Variants in GRIN2A observed in about 807,000 individuals in gnomAD.
The protein encoded by GRIN2A is glutamate receptor ionotropic, NMDA 2A.
Under a neutral mutation model 113.4 loss-of-function variants are expected in GRIN2A, and 22 were observed. That is an observed-to-expected ratio of 0.19 (90% CI 0.14 to 0.28). The LOEUF is 0.28. Ranked by LOEUF, GRIN2A falls within the 10% of genes least tolerant of loss-of-function variation. The pLI, the probability that GRIN2A is intolerant of heterozygous loss-of-function variation, is 1.00. For missense variants in GRIN2A, 1,502 were observed against 1,887.0 expected (o/e 0.80, Z 3.78); for synonymous variants, 827 against 738.4 (o/e 1.12, Z -1.94).
intron 4 of GRIN2A, among the ~76,000 whole-genome samples, chr16:9,877,591 G>A (rs891237335): frequency 1.3e-4 from 19 of 149,998 alleles, no homozygotes; most frequent in African/African-American, 2.2e-4. Flanking sequence ...TCTCTCTCTC[G>A]TCTCCTCTTC....
At chr16:10,026,075 G>A (rs1211675066) in intron 2 of GRIN2A, among the ~76,000 whole-genome samples, 2 of 152,110 alleles carry the variant, frequency 1.3e-5, no homozygotes, top group African/African-American at 2.4e-5. Context: ...TAGAATCTCT[G>A]TATGCTCACT....
At chr16:9,778,577 A>C (rs1474895904) in intron 11 of GRIN2A, among the ~76,000 whole-genome samples, 1 of 152,244 alleles carries the variant, frequency 6.6e-6, no homozygotes, top group African/African-American at 2.4e-5. Context: ...TGCTGTTTTG[A>C]GAGCCACTGG....
chr16:9,812,346 T>C (rs1279175491), intron 10 of GRIN2A, among the ~76,000 whole-genome samples: 2 of 152,182 alleles, frequency 1.3e-5, no homozygotes, highest in African/African-American at 4.8e-5. Flanking sequence ...TAGTTAGAAA[T>C]GCCTCACTTA....
chr16:9,865,929 T>G (rs1200328306), intron 4 of GRIN2A, among the ~76,000 whole-genome samples: 1 of 152,226 alleles, frequency 6.6e-6, no homozygotes, highest in African/African-American at 2.4e-5. Context: ...AAATAAAGCT[T>G]GATTGGAACA....
At chr16:10,132,634 G>C (rs755354579) in intron 2 of GRIN2A, among the ~76,000 whole-genome samples, 1 of 152,198 alleles carries the variant, frequency 6.6e-6, no homozygotes, top group African/African-American at 2.4e-5. Context: ...CCACTAACTA[G>C]ATCTGTCATT....
chr16:10,125,309 T>C (rs761734217), intron 2 of GRIN2A, among the ~76,000 whole-genome samples: 2 of 152,150 alleles, frequency 1.3e-5, no homozygotes, highest in Non-Finnish European at 2.9e-5. Context: ...TTTGCATTTA[T>C]TGTCGAAGAA....
chr16:9,822,565 T>C (rs2042309435), intron 9 of GRIN2A, 141 bp from the exon 10 acceptor site: 1 of 702,738 alleles, frequency 1.4e-6, no homozygotes, highest in East Asian at 2.7e-5. Flanking sequence ...AGGATGACAA[T>C]AAAATGTTGC....
chr16:9,958,386 A>G lies in GRIN2A; in HGVS notation c.415-19835T>C, dbSNP rs1251491774. On this transcript the variant is annotated intron_variant, in intron 2 of 12. Transcript: ENST00000330684. ...TTGGCAAACCAGACCGTGAATTGCC[A>G]AATTTACTACTCCTCATGCCCATCA... Among the ~76,000 whole-genome samples the G allele has an allele frequency of 5.3e-5, 8 of 152,184 alleles. No individual in the cohort carries two copies. The East Asian group carries it at 1.5e-3, about 29-fold the overall frequency.
intron 2 of GRIN2A, among the ~76,000 whole-genome samples, chr16:9,993,782 C>G (rs2046171864): frequency 6.6e-6 from 1 of 152,088 alleles, no homozygotes; most frequent in Non-Finnish European, 1.5e-5. Flanking sequence ...ACTCCAACCC[C>G]CATTCGTAAA....
intron 3 of GRIN2A, among the ~76,000 whole-genome samples, chr16:9,927,378 T>C (rs923589583): frequency 3.3e-5 from 5 of 152,120 alleles, no homozygotes; most frequent in Non-Finnish European, 7.3e-5. Flanking sequence ...ATGACCTAAT[T>C]TGGCCACAAA....
intron 2 of GRIN2A, among the ~76,000 whole-genome samples, chr16:9,953,848 T>C (rs1177005102): frequency 6.6e-6 from 1 of 151,744 alleles, no homozygotes; most frequent in East Asian, 1.9e-4. Flanking sequence ...GCAAGTGGAG[T>C]AGGTAGAAGC....
At chr16:9,841,252 G>GA (rs1418700223) in intron 5 of GRIN2A, 148 bp from the exon 6 acceptor site, 2 of 717,264 alleles carry the variant, frequency 2.8e-6, no homozygotes, top group Admixed American at 2.0e-5. Context: ...GTGAGTACAT[G>GA]ACAGCAAAAG....
At chr16:9,898,666 C>T (rs2043854949) in intron 3 of GRIN2A, among the ~76,000 whole-genome samples, 3 of 152,144 alleles carry the variant, frequency 2.0e-5, no homozygotes, top group South Asian at 4.1e-4. Context: ...CCCTTAAATG[C>T]CTCCTTGAAC....
chr16:9,798,382 C>T lies in GRIN2A; in HGVS notation c.2251G>A (p.Gly751Arg), dbSNP rs1903132859. The change falls in exon 11 of 13, where the codon GGG becomes AGG. Residue 751 changes from glycine to arginine, a missense_variant. Coordinates refer to ENST00000330684, the MANE Select transcript of GRIN2A (RefSeq NM_001134407.3). ...RDEGCKLVTIGSGYIFATTGY... is the reference protein window; with the variant it reads ...RDEGCKLVTIRSGYIFATTGY... ...GTGGTGGCAAAGATGTACCCACTCC[C>T]GATGGTCACCAGCTTGCAGCCTTCA... 1 of 1,613,946 alleles carries T rather than the reference C, an allele frequency of 6.2e-7. No homozygotes were observed. Among genetic ancestry groups the T allele is most frequent in the Non-Finnish European group, 8.5e-7 (1 of 1,179,844 alleles).
intron 2 of GRIN2A, among the ~76,000 whole-genome samples, chr16:10,141,068 C>A (rs1413125134): frequency 6.6e-6 from 1 of 152,072 alleles, no homozygotes; most frequent in Admixed American, 6.5e-5. Context: ...GTGGTATGCA[C>A]CTGTAGTCCA....
intron 10 of GRIN2A, among the ~76,000 whole-genome samples, chr16:9,813,642 T>G (rs967341573): frequency 6.6e-6 from 1 of 151,724 alleles, no homozygotes; most frequent in African/African-American, 2.4e-5. Flanking sequence ...TGAAAATCCT[T>G]TAACGTTGTT....
chr16:10,083,904 T>C lies in GRIN2A; in HGVS notation c.414+96094A>G, dbSNP rs190182877. Among the ~76,000 whole-genome samples the C allele has an allele frequency of 7.2e-5, 11 of 152,238 alleles. No individual in the cohort carries two copies. In the East Asian group the frequency reaches 1.9e-3, roughly 27 times the overall value. On this transcript the variant is annotated intron_variant, in intron 2 of 12. Transcript: ENST00000330684. Reference sequence around the variant, plus strand: ...ATCACTAAAGCTCAGGAGTTTAAGATCAGCCTGGCCAACATGGTGAAACCC... The same window carrying C: ...ATCACTAAAGCTCAGGAGTTTAAGACCAGCCTGGCCAACATGGTGAAACCC...
intron 2 of GRIN2A, among the ~76,000 whole-genome samples, chr16:10,052,812 C>T (rs935081484): frequency 2.6e-5 from 4 of 152,032 alleles, no homozygotes; most frequent in Non-Finnish European, 4.4e-5. Flanking sequence ...CTTTGGAAGG[C>T]CAAGGTGGGC....
intron 2 of GRIN2A, among the ~76,000 whole-genome samples, chr16:9,947,718 C>T (rs1327217122): frequency 1.3e-5 from 2 of 152,152 alleles, no homozygotes; most frequent in African/African-American, 4.8e-5. Context: ...CAAATTTCAG[C>T]TCTTTCTCTT....
Sources: allele counts gnomAD v4.1 joint callset (sites outside exome capture counted in the v4.1 genomes callset), GRCh38; gene constraint gnomAD v4.1.1; transcripts MANE v1.5; gene names NCBI Gene and HGNC (gene_info 2026-07-23, HGNC 2026-07-21).